FOXP2: variants seen among roughly 807,000 people sequenced by gnomAD.
FOXP2 encodes forkhead box P2.
In FOXP2, 12 loss-of-function variants were observed where a neutral mutation model predicts 115.8. That is an observed-to-expected ratio of 0.10 (90% CI 0.07 to 0.17). The LOEUF (loss-of-function observed/expected upper bound fraction) is 0.17. Ranked by LOEUF, FOXP2 falls within the 10% of genes least tolerant of loss-of-function variation. The pLI is 1.00. For synonymous variants in FOXP2, 328 were observed against 297.7 expected (o/e 1.10, Z -1.05); for missense variants, 629 against 843.5 (o/e 0.75, Z 3.15).
At chr7:114,251,753 C>T (rs750467844) in intron 1 of FOXP2, among the ~76,000 whole-genome samples, 2 of 152,188 alleles carry the variant, frequency 1.3e-5, no homozygotes, top group Non-Finnish European at 2.9e-5. Flanking sequence ...AATTTGACTT[C>T]TCTCTTTTCC....
chr7:114,343,973 AT>A (rs1253606121), intron 2 of FOXP2, among the ~76,000 whole-genome samples: 1 of 145,854 alleles, frequency 6.9e-6, no homozygotes, highest in Non-Finnish European at 1.5e-5. Flanking sequence ...GAGAGCAGGG[AT>A]TTTTGCACAT....
chr7:114,471,666 C>A (rs975766314), intron 2 of FOXP2, among the ~76,000 whole-genome samples: 3 of 151,798 alleles, frequency 2.0e-5, no homozygotes, highest in Non-Finnish European at 4.4e-5. Context: ...TTATTTTATT[C>A]CAGCCAGGTG....
chr7:114,630,243 G>A (rs1804828208), intron 5 of FOXP2, among the ~76,000 whole-genome samples: 1 of 152,096 alleles, frequency 6.6e-6, no homozygotes, highest in African/African-American at 2.4e-5. Flanking sequence ...ATGAATCACA[G>A]TACAAAGAGC....
intron 2 of FOXP2, among the ~76,000 whole-genome samples, chr7:114,294,490 T>A (rs909981192): frequency 6.6e-6 from 1 of 152,102 alleles, no homozygotes; most frequent in Non-Finnish European, 1.5e-5. Flanking sequence ...ACGTTTGGTT[T>A]CCAGAAAAGT....
At chr7:114,305,365 T>TACAC (rs773366445) in intron 2 of FOXP2, among the ~76,000 whole-genome samples, 11 of 152,210 alleles carry the variant, frequency 7.2e-5, no homozygotes, top group Non-Finnish European at 1.6e-4. Context: ...AGTCTCCTTA[T>TACAC]AACAGTAGTT....
upstream of FOXP2, among the ~76,000 whole-genome samples, chr7:114,412,111 A>G (rs1019696479): frequency 1.3e-5 from 2 of 152,104 alleles, no homozygotes; most frequent in African/African-American, 4.8e-5. Context: ...AAGATTTGCT[A>G]TTGGAAGAAA....
At chr7:114,595,610 T>G (rs997572007) in intron 3 of FOXP2, among the ~76,000 whole-genome samples, 1 of 152,034 alleles carries the variant, frequency 6.6e-6, no homozygotes, top group African/African-American at 2.4e-5. Context: ...TTTGTAAGGA[T>G]TTTATCGTTT....
At chr7:114,352,364 AT>A (rs1459861064) in intron 2 of FOXP2, among the ~76,000 whole-genome samples, 1 of 152,170 alleles carries the variant, frequency 6.6e-6, no homozygotes, top group Non-Finnish European at 1.5e-5. Flanking sequence ...CGATCTTCAC[AT>A]TGTGTTCACT....
chr7:114,337,143 CT>C (rs1797872181), intron 2 of FOXP2, among the ~76,000 whole-genome samples: 2 of 151,412 alleles, frequency 1.3e-5, no homozygotes, highest in Admixed American at 1.3e-4. Flanking sequence ...TAATTCTTTG[CT>C]TTCTCGAATG....
intron 9 of FOXP2, among the ~76,000 whole-genome samples, chr7:114,653,114 G>C (rs1806369181): frequency 6.6e-6 from 1 of 152,020 alleles, no homozygotes; most frequent in African/African-American, 2.4e-5. Flanking sequence ...TCAAATTCGT[G>C]TCATTGCTTT....
intron 1 of FOXP2, among the ~76,000 whole-genome samples, chr7:114,155,959 A>T (rs987257943): frequency 1.3e-5 from 2 of 152,088 alleles, no homozygotes; most frequent in Non-Finnish European, 2.9e-5. Context: ...CTGTATGCAC[A>T]GTGGCTTGCT....
At chr7:114,520,774 T>C (rs1219717871) in intron 2 of FOXP2, among the ~76,000 whole-genome samples, 1 of 152,014 alleles carries the variant, frequency 6.6e-6, no homozygotes, top group Non-Finnish European at 1.5e-5. Context: ...AAAAAAAGAA[T>C]GATAATGTAT....
chr7:114,644,886 A>G, intron 8 of FOXP2, 97 bp downstream of exon 8: 2 of 933,398 alleles, frequency 2.1e-6, no homozygotes, highest in Admixed American at 2.0e-5. Context: ...GAGGAATGTA[A>G]AAGTCCATTA....
intron 9 of FOXP2, among the ~76,000 whole-genome samples, chr7:114,653,072 C>T (rs942420824): frequency 2.0e-5 from 3 of 152,018 alleles, no homozygotes; most frequent in Non-Finnish European, 4.4e-5. Flanking sequence ...TTTAAAGATA[C>T]GATTTTTCTT....
intron 3 of FOXP2, among the ~76,000 whole-genome samples, chr7:114,580,310 G>T (rs529632883): frequency 6.6e-6 from 1 of 152,218 alleles, no homozygotes; most frequent in Non-Finnish European, 1.5e-5. Context: ...GGGCACGGTG[G>T]CTCACGCCTG....
At chr7:114,236,870 G>A (rs769661863) in intron 1 of FOXP2, among the ~76,000 whole-genome samples, 4 of 152,064 alleles carry the variant, frequency 2.6e-5, no homozygotes, top group Admixed American at 1.3e-4. Flanking sequence ...CCAGCTACTC[G>A]GGAGGGTGAG....
chr7:114,521,219 A>T (rs1453257849), intron 2 of FOXP2, among the ~76,000 whole-genome samples: 2 of 152,190 alleles, frequency 1.3e-5, no homozygotes, highest in Non-Finnish European at 2.9e-5. Flanking sequence ...TTCTAATTTC[A>T]TGGATAATTG....
intron 16 of FOXP2, among the ~76,000 whole-genome samples, chr7:114,676,666 T>A (rs1003213633): frequency 2.0e-5 from 3 of 152,194 alleles, no homozygotes; most frequent in Non-Finnish European, 2.9e-5. Flanking sequence ...TTAAAAGATG[T>A]ATTTCTTTTG....
chr7:114,687,914 G>A (rs1808448512), intron 16 of FOXP2, among the ~76,000 whole-genome samples: 2 of 152,084 alleles, frequency 1.3e-5, no homozygotes, highest in African/African-American at 2.4e-5. Flanking sequence ...AACTCATGAA[G>A]AGAATTCTCA....
Sources: gnomAD v4.1 joint callset for allele counts (sites outside exome capture counted in the v4.1 genomes callset) on GRCh38, gnomAD v4.1.1 for gene constraint, MANE v1.5 for transcripts, NCBI Gene and HGNC (gene_info 2026-07-23, HGNC 2026-07-21) for gene names.